Variants in LRP12 observed in about 807,000 individuals in gnomAD.
LRP12 encodes LDL receptor related protein 12.
In LRP12, 14 loss-of-function variants were observed where a neutral mutation model predicts 66.0. The observed-to-expected ratio is 0.21, with a 90% CI of 0.14 to 0.33. The LOEUF is 0.33. Among genes scored for constraint, LRP12 ranks in the 10% least tolerant of loss-of-function variants. The pLI, the probability that LRP12 is intolerant of heterozygous loss-of-function variation, is 1.00. For missense variants in LRP12, 889 were observed against 1,053.4 expected, an observed-to-expected ratio of 0.84 and a Z score of 2.16; for synonymous variants, 357 against 359.1, an observed-to-expected ratio of 0.99 and a Z score of 0.07.
At chr8:104,539,601 A>G (rs1811443025) in intron 1 of LRP12, among the ~76,000 whole-genome samples, 1 of 152,146 alleles carries the variant, frequency 6.6e-6, no homozygotes, top group African/African-American at 2.4e-5. Flanking sequence ...GTGAATTAAG[A>G]TCAGGGTTAA....
chr8:104,513,438 A>G (rs1293337987), intron 2 of LRP12, among the ~76,000 whole-genome samples: 1 of 152,178 alleles, frequency 6.6e-6, no homozygotes, highest in Non-Finnish European at 1.5e-5. Flanking sequence ...TGATAGCTCA[A>G]TGGGATACAT....
At chr8:104,540,119 G>C (rs1811453432) in intron 1 of LRP12, among the ~76,000 whole-genome samples, 1 of 151,604 alleles carries the variant, frequency 6.6e-6, no homozygotes, top group Admixed American at 6.6e-5. Flanking sequence ...CTCTATCCAA[G>C]AAGGCTGGTG....
chr8:104,546,658 G>C (rs1429709014), intron 1 of LRP12, among the ~76,000 whole-genome samples: 7 of 151,676 alleles, frequency 4.6e-5, no homozygotes, highest in African/African-American at 1.7e-4. Flanking sequence ...ATTAAAAATT[G>C]AGTTTTCACC....
chr8:104,497,864 A>C lies in LRP12; in HGVS notation c.688T>G (p.Tyr230Asp). The C allele has an allele frequency of 1.2e-6, 2 of 1,614,228 alleles. No individual in the cohort carries two copies. Among genetic ancestry groups the C allele is most frequent in the Non-Finnish European group, 1.7e-6 (2 of 1,180,046 alleles). ...FQCLSRFTKV[Y>D]TCLPESLKCD... Reference sequence around the variant, plus strand: ...TTTAAAGATTCGGGGAGGCAAGTGTAAACTTTGGTAAAACGGGATAAACAC... The same window carrying C: ...TTTAAAGATTCGGGGAGGCAAGTGTCAACTTTGGTAAAACGGGATAAACAC... The change falls in exon 5 of 7, where the codon TAC (tyrosine) becomes GAC (aspartate). Residue 230 changes from tyrosine to aspartate, a missense_variant. Tyr to Asp is a radical substitution (Grantham distance 160). Coordinates refer to ENST00000276654, the MANE Select transcript of LRP12 (RefSeq NM_013437.5). This position sits in a 1 kb window ranked among gnomAD's most constrained non-coding sequence, Gnocchi z 4.3.
At chr8:104,507,454 TCTC>T (rs1455581531) in intron 3 of LRP12, 1 of 152,154 alleles carries the variant, frequency 6.6e-6, no homozygotes, top group Non-Finnish European at 1.5e-5. Flanking sequence ...TTTCATGTAA[TCTC>T]CTCTGTGCTG....
At chr8:104,496,841 C>T (rs900545358) in intron 5 of LRP12, 131 bp downstream of exon 5, 30 of 849,472 alleles carry the variant, frequency 3.5e-5, no homozygotes, top group Non-Finnish European at 4.6e-5. Context: ...TAATTTTATA[C>T]ATCATCAACA....
intron 1 of LRP12, among the ~76,000 whole-genome samples, chr8:104,537,520 A>T (rs1811407636): frequency 6.6e-6 from 1 of 152,124 alleles, no homozygotes; most frequent in Non-Finnish European, 1.5e-5. Context: ...AGAGACCTTG[A>T]TAAACACATG....
intron 1 of LRP12, among the ~76,000 whole-genome samples, chr8:104,547,148 CTA>C (rs1396954122): frequency 4.8e-4 from 68 of 142,784 alleles, no homozygotes; most frequent in South Asian, 3.1e-3. Context: ...ATATACAATT[CTA>C]TGTTATATCA....
intron 1 of LRP12, among the ~76,000 whole-genome samples, chr8:104,565,751 C>T (rs1038404753): frequency 4.0e-5 from 6 of 151,280 alleles, no homozygotes; most frequent in Admixed American, 3.9e-4. Context: ...GTCCCAGCTA[C>T]TCGGGAGGCT....
intron 3 of LRP12, among the ~76,000 whole-genome samples, chr8:104,502,982 C>T (rs1376387761): frequency 2.6e-5 from 4 of 151,986 alleles, no homozygotes; most frequent in South Asian, 2.1e-4. Context: ...GTCAGAAGTT[C>T]GAGACCAACC....
intron 3 of LRP12, chr8:104,508,515 C>G (rs1588486326): frequency 6.4e-6 from 1 of 156,634 alleles, no homozygotes; most frequent in East Asian, 1.8e-4. Flanking sequence ...TACACATATA[C>G]AGACAGGCAT....
intron 1 of LRP12, among the ~76,000 whole-genome samples, chr8:104,551,072 C>G (rs1172210545): frequency 6.6e-6 from 1 of 152,136 alleles, no homozygotes; most frequent in Non-Finnish European, 1.5e-5. Flanking sequence ...TTTGCTACTT[C>G]TTTTCTGCCT....
intron 1 of LRP12, among the ~76,000 whole-genome samples, chr8:104,584,159 A>G (rs767929530): frequency 1.3e-5 from 2 of 152,046 alleles, no homozygotes; most frequent in African/African-American, 2.4e-5. Context: ...AGAAAAGAAG[A>G]AAAACAGAAA....
intron 1 of LRP12, among the ~76,000 whole-genome samples, chr8:104,547,195 CATATTTTGTATATAATATACAATTCTGTT>C (rs1811583744): frequency 1.5e-5 from 2 of 132,218 alleles, no homozygotes; most frequent in African/African-American, 5.8e-5. Context: ...TATGTTATAT[CATATTTTGTATATAATATACAATTCTGTT>C]ATATTTTGTA....
intron 1 of LRP12, among the ~76,000 whole-genome samples, chr8:104,561,290 TG>T (rs1262848717): frequency 2.6e-5 from 4 of 152,202 alleles, no homozygotes; most frequent in African/African-American, 9.6e-5. Flanking sequence ...TTATGCTGTA[TG>T]TTTCATACGT....
chr8:104,552,073 C>G (rs1811733977), intron 1 of LRP12, among the ~76,000 whole-genome samples: 1 of 152,182 alleles, frequency 6.6e-6, no homozygotes, highest in Non-Finnish European at 1.5e-5. Flanking sequence ...TGAACGAAGT[C>G]AGAAAGCCAC....
chr8:104,502,066 C>A (rs1388002634), intron 3 of LRP12, among the ~76,000 whole-genome samples: 1 of 152,078 alleles, frequency 6.6e-6, no homozygotes, highest in East Asian at 1.9e-4. Context: ...AATTTTTGTT[C>A]TATCACACAG....
chr8:104,560,412 T>C (rs559142894), intron 1 of LRP12, among the ~76,000 whole-genome samples: 20 of 152,078 alleles, frequency 1.3e-4, no homozygotes, highest in African/African-American at 3.9e-4. Context: ...TGTGCTTACA[T>C]TGACAAAGAA....
intron 2 of LRP12, among the ~76,000 whole-genome samples, chr8:104,513,721 C>A (rs1275702461): frequency 2.0e-5 from 3 of 152,158 alleles, no homozygotes; most frequent in Non-Finnish European, 2.9e-5. Flanking sequence ...AATTTTCTAG[C>A]ACTAGATCCT....
Sources: gnomAD v4.1 joint callset for allele counts (sites outside exome capture counted in the v4.1 genomes callset) on GRCh38, gnomAD v4.1.1 for gene constraint, Gnocchi (gnomAD v3.1) non-coding constraint, MANE v1.5 for transcripts, NCBI Gene and HGNC (gene_info 2026-07-23, HGNC 2026-07-21) for gene names.